PIGX: variants seen among roughly 807,000 people sequenced by gnomAD.
PIGX encodes the protein phosphatidylinositol glycan anchor biosynthesis class X, also known as GPI alpha-1,4-mannosyltransferase I, stabilizing subunit.
PIGX carries 24 observed loss-of-function variants against 28.7 expected under a neutral mutation model. That is an observed-to-expected ratio of 0.84 (90% confidence interval 0.60 to 1.17). PIGX has a LOEUF of 1.17. PIGX is among the 50% of genes most tolerant of loss of function. The pLI is 0.00. For missense variants in PIGX, 305 were observed against 317.8 expected (o/e 0.96, Z 0.31); for synonymous variants, 127 against 121.0 (o/e 1.05, Z -0.33).
intron 4 of PIGX, among the ~76,000 whole-genome samples, chr3:196,730,408 T>C (rs1712700104): frequency 6.6e-6 from 1 of 152,122 alleles, no homozygotes; most frequent in Non-Finnish European, 1.5e-5. Context: ...AAGTTTACAT[T>C]AAATTTTTAA....
At chr3:196,718,005 ATTTAT>A (rs1712167429) in intron 2 of PIGX, 1 of 151,602 alleles carries the variant, frequency 6.6e-6, no homozygotes, top group South Asian at 2.1e-4. Flanking sequence ...ATTCTGATTC[ATTTAT>A]TTTTTTTTAA....
At chr3:196,728,698 G>A (rs773362515) in intron 4 of PIGX, 4 of 766,220 alleles carry the variant, frequency 5.2e-6, no homozygotes, top group Middle Eastern at 2.2e-4. Flanking sequence ...CTGGAAATTG[G>A]CAGCTGGCTC....
chr3:196,712,685 G>A (rs1711875572), intron 1 of PIGX, 41 bp downstream of exon 1: 1 of 1,173,446 alleles, frequency 8.5e-7, no homozygotes, highest in Non-Finnish European at 1.1e-6. Context: ...CGTGGGAGCG[G>A]TCCCGGCTCC....
intron 2 of PIGX, chr3:196,717,889 A>G (rs1173679142): frequency 6.6e-6 from 1 of 152,224 alleles, no homozygotes; most frequent in Admixed American, 6.5e-5. Context: ...AAGATCTTTA[A>G]AAGTCTGGTA....
Position 196,733,794 on chromosome 3 carries a change from A to C in PIGX, c.669A>C (p.Gly223=). Reference sequence around the variant, plus strand: ...ATGTGATTCTACAAGTTCCAGTGGGACTGACTGTACATACCTCTCTAGTAT... The same window carrying C: ...ATGTGATTCTACAAGTTCCAGTGGGCCTGACTGTACATACCTCTCTAGTAT... The change falls in exon 6 of 6, where the codon GGA becomes GGC. Residue 223 remains glycine (G), a synonymous_variant. Coordinates refer to ENST00000392391, the MANE Select transcript of PIGX (RefSeq NM_017861.4). The surrounding 1 kb of genome is among the most constrained non-coding windows in gnomAD (Gnocchi z 4.3). The C allele has an allele frequency of 6.3e-7, 1 of 1,582,698 alleles. No individual in the cohort carries two copies. The highest frequency in any genetic ancestry group is 1.1e-5 in the South Asian group (1 of 90,420).
At position 196,734,890 on chromosome 3, in the gene PIGX, C is replaced by T. The variant is rs1443439883; in HGVS notation, c.*988C>T. ...GATTGCCATTTTAAATAAAGTTGTA[C>T]ATGAACAATAATTGGAATCATCAGG... On this transcript the variant is annotated 3_prime_UTR_variant, in exon 6 of 6. Coordinates refer to ENST00000392391, the MANE Select transcript of PIGX (RefSeq NM_017861.4). 1 of 151,980 alleles carries T rather than the reference C, an allele frequency of 6.6e-6. No homozygotes were observed. The highest frequency in any genetic ancestry group is 1.5e-5 in the Non-Finnish European group (1 of 67,986). The allele number at this position is 151,980 out of a possible 1,614,324, so 9.4% of individuals were successfully genotyped here.
chr3:196,729,551 G>C (rs1712663027), intron 4 of PIGX, among the ~76,000 whole-genome samples: 1 of 150,824 alleles, frequency 6.6e-6, no homozygotes, highest in Non-Finnish European at 1.5e-5. Context: ...ACCATGCCTG[G>C]CTAATTTTTG....
rs762612146 is a variant in PIGX, at chr3:196,727,977, G to T, written c.373G>T (p.Glu125Ter). Reference sequence around the variant, plus strand: ...AGAGGCCCCTAACTATTTGTCCAAGGAGTCTGAAGTTCTCATTTATGCCAG... The same window carrying T: ...AGAGGCCCCTAACTATTTGTCCAAGTAGTCTGAAGTTCTCATTTATGCCAG... The change falls in exon 4 of 6, where the codon GAG becomes TAG. Residue 125 changes from glutamate (E) to a stop codon, truncating the protein, a stop_gained. Transcript: ENST00000392391. LOFTEE classifies it high-confidence loss of function. 1.2e-5 allele frequency: 20 copies of T among 1,614,064 alleles called. No homozygotes were observed. The highest frequency in any genetic ancestry group is 1.7e-5 in the Non-Finnish European group (20 of 1,179,958).
intron 1 of PIGX, 85 bp downstream of exon 1, chr3:196,712,729 C>T (rs1711878595): frequency 8.9e-7 from 1 of 1,120,952 alleles, no homozygotes; most frequent in Non-Finnish European, 1.1e-6. Flanking sequence ...GATGTGGGGA[C>T]CCGGCGCGGG....
chr3:196,724,842 C>G (rs1298954543), intron 3 of PIGX, among the ~76,000 whole-genome samples: 1 of 152,036 alleles, frequency 6.6e-6, no homozygotes, highest in Admixed American at 6.6e-5. Context: ...ATAAGTGTAA[C>G]TGGGTAGAAG....
chr3:196,712,593 G>A lies in PIGX; in HGVS notation c.61G>A (p.Gly21Arg), dbSNP rs1019652295. Residue 21 changes from glycine to arginine, a missense_variant, in exon 1 of 6, where the codon GGG (glycine) becomes AGG (arginine). Gly to Arg is a moderately radical substitution (Grantham distance 125, BLOSUM62 -2). Coordinates refer to ENST00000392391, the MANE Select transcript of PIGX (RefSeq NM_017861.4). Reference sequence around the variant, plus strand: ...CTGGCTGCTCCTCGGGGCGGCGACCGGGCTCACGCGCGGGCCCGCCGCGGC... The same window carrying A: ...CTGGCTGCTCCTCGGGGCGGCGACCAGGCTCACGCGCGGGCCCGCCGCGGC... The A allele has an allele frequency of 8.4e-7, 1 of 1,191,632 alleles. No individual in the cohort carries two copies. The highest frequency in any genetic ancestry group is 1.6e-5 in the African/African-American group (1 of 62,760). 73.8% of individuals were successfully genotyped at this position (1,191,632 alleles called of 1,614,324 possible).
rs773673066 is a variant in PIGX, at chr3:196,733,857, A to C, written c.732A>C (p.Thr244=). Residue 244 remains threonine, a synonymous_variant, in exon 6 of 6, where the codon ACA becomes ACC. Transcript: ENST00000392391. This position sits in a 1 kb window ranked among gnomAD's most constrained non-coding sequence, Gnocchi z 4.3. ...TGCTCATTACAATCCTGTGCTCTACATTGATCCTTGTAGCAGTTTTCAAAT... is the reference window on the plus strand; with the variant it reads ...TGCTCATTACAATCCTGTGCTCTACCTTGATCCTTGTAGCAGTTTTCAAAT... The C allele has an allele frequency of 6.2e-7, 1 of 1,606,312 alleles. No homozygotes were observed. Among genetic ancestry groups the C allele is most frequent in the Non-Finnish European group, 8.5e-7 (1 of 1,172,890 alleles).
In PIGX at chr3:196,732,285, T is replaced by C. The variant is rs1352231244; in HGVS notation, c.633+1193T>C. Among the ~76,000 whole-genome samples the C allele has an allele frequency of 1.4e-4, 11 of 80,928 alleles. 2 individuals carry two copies. Among genetic ancestry groups the C allele is most frequent in the African/African-American group, 6.5e-4 (11 of 17,016 alleles). The allele number at this position is 80,928 out of a possible 152,430, so 53.1% of individuals were successfully genotyped here. On this transcript the variant is annotated intron_variant, in intron 5 of 5. Transcript: ENST00000392391. ...TATTTTATTTTATTTTTTTTTTTAT[T>C]TTATTTTTTTTTTTGAGACGGAGTC...
At chr3:196,722,266 CATGTT>C in intron 2 of PIGX, 144 bp from the exon 3 acceptor site, 1 of 567,662 alleles carries the variant, frequency 1.8e-6, no homozygotes, top group South Asian at 2.6e-5. Context: ...ATGATTCTGA[CATGTT>C]ATAAATATTT....
Position 196,734,118 on chromosome 3 carries a change from A to T in PIGX, c.*216A>T. On this transcript the variant is annotated 3_prime_UTR_variant, in exon 6 of 6. Transcript: ENST00000392391. ...TAATCCTCAAGCATCAGATGCCATA[A>T]GGGGAAACTTAATTCTGCTAAATTA... 2.4e-6 allele frequency: 1 copy of T among 423,150 alleles called. No homozygotes were observed. The highest frequency in any genetic ancestry group is 4.2e-6 in the Non-Finnish European group (1 of 239,470). 26.2% of individuals were successfully genotyped at this position (423,150 alleles called of 1,614,324 possible).
intron 2 of PIGX, chr3:196,717,973 T>A (rs1577670584): frequency 6.6e-6 from 1 of 152,230 alleles, no homozygotes; most frequent in African/African-American, 2.4e-5. Context: ...TTTGAAATGA[T>A]TCTCAGATAC....
chr3:196,720,178 T>A (rs903717471), intron 2 of PIGX, among the ~76,000 whole-genome samples: 8 of 152,262 alleles, frequency 5.3e-5, no homozygotes, highest in African/African-American at 1.9e-4. Flanking sequence ...CTTCGTTTTG[T>A]ACAACTGAAA....
rs755980061 is a variant in PIGX, at chr3:196,731,109, T to C, written c.633+17T>C. 6.5e-6 allele frequency: 9 copies of C among 1,391,140 alleles called. No homozygotes were observed. In the Admixed American group the frequency reaches 1.5e-4, roughly 24 times the overall value. The allele number at this position is 1,391,140 out of a possible 1,614,324, so 86.2% of individuals were successfully genotyped here. A position where few individuals can be genotyped will look rare whatever the true frequency, so the allele number is the denominator to read the frequency against. On this transcript the variant is annotated intron_variant, in intron 5 of 5. Coordinates refer to ENST00000392391, the MANE Select transcript of PIGX (RefSeq NM_017861.4). ...TATAAATCAGTAAGCTAATGTTTTA[T>C]GTTGTTTTTTAGATCATGTGCCTCA...
At position 196,712,400 on chromosome 3, in the gene PIGX, C is replaced by T. The variant is rs1381375035; in HGVS notation, c.-133C>T. ...GCAGCTGGGAACCGCGGGCGCTAGG[C>T]GCGCGCACCCAGCACTCGGTCCCAG... On this transcript the variant is annotated 5_prime_UTR_variant, in exon 1 of 6. Coordinates refer to ENST00000392391, the MANE Select transcript of PIGX (RefSeq NM_017861.4). 4 of 351,132 alleles carry T rather than the reference C, an allele frequency of 1.1e-5. No individual in the cohort carries two copies. The highest frequency in any genetic ancestry group is 7.2e-5 in the East Asian group (1 of 13,844). The allele number at this position is 351,132 out of a possible 1,614,324, so 21.8% of individuals were successfully genotyped here.
Sources: allele counts gnomAD v4.1 joint callset (sites outside exome capture counted in the v4.1 genomes callset), GRCh38; gene constraint gnomAD v4.1.1; non-coding constraint Gnocchi (gnomAD v3.1); transcripts MANE v1.5; gene names NCBI Gene and HGNC (gene_info 2026-07-23, HGNC 2026-07-21).